Variants in PLCB4 observed in about 807,000 individuals in gnomAD.
The protein encoded by PLCB4 is phospholipase C beta 4, also known as 1-phosphatidylinositol 4,5-bisphosphate phosphodiesterase beta-4.
PLCB4 carries 77 observed loss-of-function variants against 178.8 expected under a neutral mutation model. The ratio of observed to expected loss-of-function variants is 0.43; its 90% CI spans 0.36 to 0.52. The LOEUF is 0.52. Among genes scored for constraint, PLCB4 ranks in the 20% least tolerant of loss-of-function variants. The probability of loss-of-function intolerance (pLI) is 0.00; values close to 1 mark genes in which losing one functional copy is unlikely to be tolerated. For missense variants in PLCB4, 1,024 were observed against 1,453.4 expected (o/e 0.70, Z 4.80); for synonymous variants, 496 against 490.8 (o/e 1.01, Z -0.14).
At chr20:9,403,932 C>T (rs1163729227) in intron 20 of PLCB4, among the ~76,000 whole-genome samples, 3 of 152,192 alleles carry the variant, frequency 2.0e-5, no homozygotes, top group African/African-American at 7.2e-5. Context: ...CTTAAAGAGA[C>T]ATTTCAGTGG....
At chr20:9,245,034 G>A (rs1443081231) in intron 3 of PLCB4, among the ~76,000 whole-genome samples, 1 of 152,154 alleles carries the variant, frequency 6.6e-6, no homozygotes, top group Non-Finnish European at 1.5e-5. Context: ...ACCTCTGGGA[G>A]TTGGCCAGTT....
chr20:9,089,896 G>A (rs543064942), intron 1 of PLCB4, among the ~76,000 whole-genome samples: 1 of 152,268 alleles, frequency 6.6e-6, no homozygotes, highest in African/African-American at 2.4e-5. Flanking sequence ...AGCAGTGTCA[G>A]TATGATGGTG....
chr20:9,379,067 A>G (rs1305405098), intron 12 of PLCB4, among the ~76,000 whole-genome samples: 1 of 152,172 alleles, frequency 6.6e-6, no homozygotes, highest in African/African-American at 2.4e-5. Flanking sequence ...ATCTGTCATT[A>G]TTCCAAACTT....
chr20:9,124,348 C>T (rs1169526402), intron 2 of PLCB4, among the ~76,000 whole-genome samples: 1 of 151,978 alleles, frequency 6.6e-6, no homozygotes, highest in Non-Finnish European at 1.5e-5. Context: ...AAAAATTACC[C>T]AGGTGTGGTA....
In PLCB4 at chr20:9,372,415, T is replaced by C. The variant is rs768690865; in HGVS notation, c.686+12T>C. On this transcript the variant is annotated intron_variant, in intron 11 of 39. Transcript: ENST00000378473. ...CTTTTCAAAAAAATGTAAGTTCCAC[T>C]TATGAGGAAGTGCCATATAAATATT... 8 of 1,353,450 alleles carry C rather than the reference T, an allele frequency of 5.9e-6. No individual in the cohort carries two copies. The highest frequency in any genetic ancestry group is 8.4e-6 in the Non-Finnish European group (8 of 950,444). The allele number at this position is 1,353,450 out of a possible 1,614,324, so 83.8% of individuals were successfully genotyped here.
At chr20:9,339,355 G>A (rs575256003) in intron 7 of PLCB4, among the ~76,000 whole-genome samples, 1 of 152,048 alleles carries the variant, frequency 6.6e-6, no homozygotes, top group South Asian at 2.1e-4. Flanking sequence ...TCTGAGGTGG[G>A]GACAAGATTC....
At chr20:9,347,677 T>A (rs1037539536) in intron 7 of PLCB4, among the ~76,000 whole-genome samples, 1 of 152,190 alleles carries the variant, frequency 6.6e-6, no homozygotes. Context: ...CTTTCTCTTA[T>A]AAGACTTAAG....
At position 9,421,282 on chromosome 20, in the gene PLCB4, T is replaced by C. The variant is rs373249983; in HGVS notation, c.2155-15T>C. On this transcript the variant is annotated splice_polypyrimidine_tract_variant and intron_variant, in intron 26 of 39. Coordinates refer to ENST00000378473, the MANE Select transcript of PLCB4 (RefSeq NM_001377142.1). ...CAGAGCTTACTTCTCTTTGCTCTCGTTCGTGCTGCTACAGGTTATATCAGG... is the reference window on the plus strand; with the variant it reads ...CAGAGCTTACTTCTCTTTGCTCTCGCTCGTGCTGCTACAGGTTATATCAGG... 3 of 1,597,746 alleles carry C rather than the reference T, an allele frequency of 1.9e-6. No homozygotes were observed. In the African/African-American group the frequency reaches 4.0e-5, roughly 21 times the overall value.
chr20:9,180,165 T>C (rs1483638980), intron 2 of PLCB4, among the ~76,000 whole-genome samples: 1 of 152,214 alleles, frequency 6.6e-6, no homozygotes. Context: ...GGAGCATGTA[T>C]TGTCCTAACA....
intron 7 of PLCB4, among the ~76,000 whole-genome samples, chr20:9,354,679 A>G (rs1252080549): frequency 5.3e-5 from 8 of 152,208 alleles, no homozygotes; most frequent in African/African-American, 1.7e-4. Context: ...GGTATTCAAG[A>G]TATGCAATTT....
intron 3 of PLCB4, among the ~76,000 whole-genome samples, chr20:9,283,947 A>G (rs901614477): frequency 6.6e-6 from 1 of 151,992 alleles, no homozygotes; most frequent in Non-Finnish European, 1.5e-5. Context: ...TCCTTCATTG[A>G]GAAAAGTCAG....
At chr20:9,425,755 A>G (rs1016448688) in intron 28 of PLCB4, among the ~76,000 whole-genome samples, 4 of 152,230 alleles carry the variant, frequency 2.6e-5, no homozygotes, top group Non-Finnish European at 4.4e-5. Flanking sequence ...ACCAGAGTTG[A>G]CATTCAAATA....
At chr20:9,464,793 G>A (rs2043652360) in intron 35 of PLCB4, among the ~76,000 whole-genome samples, 1 of 151,912 alleles carries the variant, frequency 6.6e-6, no homozygotes, top group Admixed American at 6.6e-5. Flanking sequence ...ATAATTAATA[G>A]CCTACCAATC....
intron 2 of PLCB4, among the ~76,000 whole-genome samples, chr20:9,155,792 G>A (rs1183781038): frequency 1.3e-5 from 2 of 152,066 alleles, no homozygotes; most frequent in African/African-American, 2.4e-5. Context: ...GTGCTCTGTA[G>A]CTAAACTCCC....
chr20:9,384,265 A>C lies in PLCB4; in HGVS notation c.918A>C (p.Leu306=). 6.2e-7 allele frequency: 1 copy of C among 1,614,100 alleles called. No individual in the cohort carries two copies. Among genetic ancestry groups the C allele is most frequent in the Non-Finnish European group, 8.5e-7 (1 of 1,179,934 alleles). The change falls in exon 14 of 40, where the codon CTA becomes CTC. Residue 306 remains leucine (L), a synonymous_variant. Transcript: ENST00000378473. ...CAGATGAAAACGCCCCAGTCTTCCTAGATCGTTTAGAACTTTACCAAGAAA... is the reference window on the plus strand; with the variant it reads ...CAGATGAAAACGCCCCAGTCTTCCTCGATCGTTTAGAACTTTACCAAGAAA... ...LMSDENAPVF[L]DRLELYQEMD...
intron 9 of PLCB4, among the ~76,000 whole-genome samples, chr20:9,368,201 C>CT (rs2035941155): frequency 1.3e-5 from 2 of 152,196 alleles, no homozygotes; most frequent in African/African-American, 4.8e-5. Flanking sequence ...GGTTCCTGCT[C>CT]TTTAGCATTA....
Position 9,163,252 on chromosome 20 carries a change from C to T in PLCB4, c.-78-54138C>T, listed in dbSNP as rs143750733. Among the ~76,000 whole-genome samples the T allele has an allele frequency of 7.9e-5, 12 of 152,064 alleles. No homozygotes were observed. In the East Asian group the frequency reaches 9.6e-4, roughly 12 times the overall value. On this transcript the variant is annotated intron_variant, in intron 2 of 39. Coordinates refer to ENST00000378473, the MANE Select transcript of PLCB4 (RefSeq NM_001377142.1). ...TGTCGACTCTGTTTTCTGAAACTGC[C>T]GGGATGAAAAAAATAACTAAAAGTG... is the stretch of plus-strand genomic sequence containing the variant.
chr20:9,239,530 G>C (rs1280297780), intron 3 of PLCB4, among the ~76,000 whole-genome samples: 1 of 152,158 alleles, frequency 6.6e-6, no homozygotes, highest in Non-Finnish European at 1.5e-5. Flanking sequence ...GAATGCCCAA[G>C]TATCCAGGGA....
At chr20:9,342,958 G>A (rs1601964968) in intron 7 of PLCB4, among the ~76,000 whole-genome samples, 4 of 152,202 alleles carry the variant, frequency 2.6e-5, no homozygotes, top group African/African-American at 2.4e-5. Context: ...TATGACAACT[G>A]ACAATAAATA....
Sources: gnomAD v4.1 joint callset for allele counts (sites outside exome capture counted in the v4.1 genomes callset) on GRCh38, gnomAD v4.1.1 for gene constraint, MANE v1.5 for transcripts, NCBI Gene and HGNC (gene_info 2026-07-23, HGNC 2026-07-21) for gene names.